The following ARB2A variants were observed in gnomAD, a reference collection of about 807,000 sequenced individuals.
ARB2A encodes the protein cotranscriptional regulator ARB2A.
the ARB2A span, among the ~76,000 whole-genome samples, chr5:93,966,340 A>C: frequency 6.6e-6 from 1 of 152,238 alleles, no homozygotes; most frequent in East Asian, 1.9e-4. Context: ...TAAAAAATTA[A>C]ATACTACTGA....
chr5:93,865,934 TC>T, the ARB2A span: 1 of 985,434 alleles, frequency 1.0e-6, no homozygotes, highest in Non-Finnish European at 1.2e-6. Context: ...ATAAGGGCAC[TC>T]AGTGTATACA....
At chr5:94,024,380 A>G in the ARB2A span, among the ~76,000 whole-genome samples, 2 of 152,154 alleles carry the variant, frequency 1.3e-5, no homozygotes, top group African/African-American at 2.4e-5. Flanking sequence ...GGCCTCCCCC[A>G]TCAGATTTTG....
the ARB2A span, among the ~76,000 whole-genome samples, chr5:93,941,270 CAGCAA>C: frequency 6.6e-6 from 1 of 151,910 alleles, no homozygotes; most frequent in East Asian, 1.9e-4. Flanking sequence ...AGCTCTGATG[CAGCAA>C]TTCAGATTGC....
chr5:93,679,511 T>A, the ARB2A span, among the ~76,000 whole-genome samples: 1 of 152,062 alleles, frequency 6.6e-6, no homozygotes, highest in Non-Finnish European at 1.5e-5. Context: ...TAGACAAAAA[T>A]TAATTTTTAT....
the ARB2A span, among the ~76,000 whole-genome samples, chr5:93,902,997 G>A: frequency 6.6e-6 from 1 of 152,166 alleles, no homozygotes; most frequent in African/African-American, 2.4e-5. Flanking sequence ...TATTACTATA[G>A]GCCATTTAGT....
chr5:94,069,419 A>G, the ARB2A span, among the ~76,000 whole-genome samples: 1 of 152,172 alleles, frequency 6.6e-6, no homozygotes, highest in South Asian at 2.1e-4. Flanking sequence ...AAGCATTAAC[A>G]AAAAAAGACA....
chr5:94,054,654 C>G, the ARB2A span, among the ~76,000 whole-genome samples: 1 of 152,028 alleles, frequency 6.6e-6, no homozygotes, highest in African/African-American at 2.4e-5. Flanking sequence ...TCTATTCTTT[C>G]GAGGTGACTA....
the ARB2A span, among the ~76,000 whole-genome samples, chr5:93,984,453 C>G: frequency 6.6e-6 from 1 of 152,172 alleles, no homozygotes; most frequent in African/African-American, 2.4e-5. Flanking sequence ...TACAACTATA[C>G]TTACGGATAT....
chr5:93,966,896 T>G, the ARB2A span, among the ~76,000 whole-genome samples: 1 of 152,120 alleles, frequency 6.6e-6, no homozygotes, highest in Non-Finnish European at 1.5e-5. Flanking sequence ...TCTCCTACCT[T>G]TATTCCTTCT....
chr5:94,048,082 T>G, the ARB2A span, among the ~76,000 whole-genome samples: 1 of 105,966 alleles, frequency 9.4e-6, no homozygotes, highest in Non-Finnish European at 1.7e-5. Flanking sequence ...TGAGACAGAG[T>G]CTTACTGTGT....
chr5:93,865,502 T>C, the ARB2A span: 3 of 985,308 alleles, frequency 3.0e-6, no homozygotes, highest in African/African-American at 5.2e-5. Flanking sequence ...ATGTAACCTA[T>C]AACTGGCATT....
chr5:93,711,322 T>C, the ARB2A span, among the ~76,000 whole-genome samples: 2 of 152,012 alleles, frequency 1.3e-5, no homozygotes, highest in Non-Finnish European at 2.9e-5. Context: ...TAAAACTCTA[T>C]TGTAATATCA....
At chr5:93,844,547 A>C in the ARB2A span, among the ~76,000 whole-genome samples, 1 of 152,224 alleles carries the variant, frequency 6.6e-6, no homozygotes, top group Non-Finnish European at 1.5e-5. Flanking sequence ...AAGTAAAAAA[A>C]TTTGTATCTC....
the ARB2A span, among the ~76,000 whole-genome samples, chr5:93,954,551 G>A: frequency 6.6e-6 from 1 of 152,014 alleles, no homozygotes; most frequent in South Asian, 2.1e-4. Context: ...CTCAAGCAGA[G>A]GGAAGGAGTT....
the ARB2A span, among the ~76,000 whole-genome samples, chr5:93,791,863 T>G: frequency 2.6e-5 from 4 of 151,898 alleles, no homozygotes; most frequent in African/African-American, 9.7e-5. Flanking sequence ...CTTTCCTGCC[T>G]AGACCATGCT....
the ARB2A span, among the ~76,000 whole-genome samples, chr5:93,793,702 T>A: frequency 6.6e-6 from 1 of 152,068 alleles, no homozygotes; most frequent in South Asian, 2.1e-4. Flanking sequence ...ACAGGTTGGT[T>A]CCCTAGGAAA....
At chr5:93,782,642 G>A in the ARB2A span, among the ~76,000 whole-genome samples, 1 of 152,042 alleles carries the variant, frequency 6.6e-6, no homozygotes, top group African/African-American at 2.4e-5. Flanking sequence ...ATAACTTACC[G>A]AACTTTTTTA....
chr5:94,075,971 A>C, the ARB2A span, among the ~76,000 whole-genome samples: 1 of 152,188 alleles, frequency 6.6e-6, no homozygotes, highest in Non-Finnish European at 1.5e-5. Flanking sequence ...CATCTGTAAA[A>C]TGGAAATGAT....
chr5:93,876,440 C>A, the ARB2A span, among the ~76,000 whole-genome samples: 1 of 152,002 alleles, frequency 6.6e-6, no homozygotes, highest in East Asian at 1.9e-4. Context: ...AGAAAACTTG[C>A]CACATGAAAT....
Sources: allele counts gnomAD v4.1 joint callset (sites outside exome capture counted in the v4.1 genomes callset), GRCh38; gene constraint gnomAD v4.1.1; transcripts MANE v1.5; gene names NCBI Gene and HGNC (gene_info 2026-07-23, HGNC 2026-07-21).